CUX1: variants seen among roughly 807,000 people sequenced by gnomAD.
CUX1 encodes the protein protein CASP.
In CUX1, 31 loss-of-function variants were observed where a neutral mutation model predicts 158.8. The ratio of observed to expected loss-of-function variants is 0.20; its 90% CI spans 0.15 to 0.26. The LOEUF (loss-of-function observed/expected upper bound fraction) is 0.26. Among genes scored for constraint, CUX1 ranks in the 10% least tolerant of loss-of-function variants. CUX1 has a pLI of 1.00. For synonymous variants in CUX1, 879 were observed against 862.1 expected (o/e 1.02, Z -0.34); for missense variants, 1,589 against 2,014.6 (o/e 0.79, Z 4.04).
At chr7:102,134,579 C>T (rs1158961757) in intron 8 of CUX1, among the ~76,000 whole-genome samples, 3 of 152,140 alleles carry the variant, frequency 2.0e-5, no homozygotes, top group East Asian at 1.9e-4. Flanking sequence ...TTTCCCCCAC[C>T]GCTTTGCACA....
At chr7:102,214,068 G>A (rs1554523915) in intron 20 of CUX1, among the ~76,000 whole-genome samples, 1 of 151,618 alleles carries the variant, frequency 6.6e-6, no homozygotes, top group East Asian at 2.0e-4. Flanking sequence ...CCCAGAGGTG[G>A]TTGCACTGAG....
chr7:102,191,248 T>C (rs992225630), intron 12 of CUX1, among the ~76,000 whole-genome samples: 1 of 152,210 alleles, frequency 6.6e-6, no homozygotes, highest in African/African-American at 2.4e-5. Context: ...CTTATTTATT[T>C]ATTTGACAGA....
intron 1 of CUX1, among the ~76,000 whole-genome samples, chr7:101,904,117 A>AACACAC (rs10622369): frequency 0.046 from 6,559 of 143,790 alleles, 150 homozygotes; most frequent in East Asian, 0.086. Context: ...GTCTTTACAA[A>AACACAC]ACACACACAC....
chr7:102,236,351 C>A (rs978200091), intron 22 of CUX1, among the ~76,000 whole-genome samples: 1 of 149,352 alleles, frequency 6.7e-6, no homozygotes, highest in Non-Finnish European at 1.5e-5. Context: ...TGAGGTAGGC[C>A]ATGCCTCTTG....
At position 102,248,418 on chromosome 7, in the gene CUX1, G is replaced by T. The variant is rs1475416598; in HGVS notation, c.3894G>T (p.Arg1298=). 2 of 1,594,200 alleles carry T rather than the reference G, an allele frequency of 1.3e-6. No individual in the cohort carries two copies. Among genetic ancestry groups the T allele is most frequent in the African/African-American group, 1.4e-5 (1 of 74,042 alleles). ...GCCGCTTGTTGTCTTGTAGGTCTCG[G>T]ATCCGCAGAGAACTGTTCATTGAGG... ...VINWFHNYRS[R]IRRELFIEEI... The change falls in exon 24 of 24, where the codon CGG becomes CGT. Residue 1298 remains arginine, a synonymous_variant. Coordinates refer to ENST00000292535, the MANE Select transcript of CUX1 (RefSeq NM_181552.4). The surrounding 1 kb of genome is among the most constrained non-coding windows in gnomAD (Gnocchi z 5.8).
At chr7:101,937,658 G>A (rs982974602) in intron 2 of CUX1, among the ~76,000 whole-genome samples, 2 of 151,992 alleles carry the variant, frequency 1.3e-5, no homozygotes, top group Admixed American at 1.3e-4. Flanking sequence ...CTACAGGTAC[G>A]TGCCACCATG....
At chr7:102,022,838 A>G (rs1202114077) in intron 2 of CUX1, among the ~76,000 whole-genome samples, 2 of 152,252 alleles carry the variant, frequency 1.3e-5, no homozygotes, top group African/African-American at 4.8e-5. Flanking sequence ...GATGGGATGG[A>G]AACAAGGTGA....
chr7:102,156,071 A>C (rs570134690), intron 8 of CUX1, among the ~76,000 whole-genome samples: 48 of 152,314 alleles, frequency 3.2e-4, no homozygotes, highest in Non-Finnish European at 5.0e-4. Context: ...GGCATCTGTT[A>C]CCCTATTCAG....
intron 3 of CUX1, among the ~76,000 whole-genome samples, chr7:102,035,902 C>T (rs1456032298): frequency 1.3e-5 from 2 of 152,076 alleles, no homozygotes; most frequent in Non-Finnish European, 2.9e-5. Flanking sequence ...GACAGAGTCT[C>T]GCTCTGTCAC....
chr7:102,116,895 G>T (rs1345439291), intron 8 of CUX1, among the ~76,000 whole-genome samples: 1 of 152,142 alleles, frequency 6.6e-6, no homozygotes, highest in Non-Finnish European at 1.5e-5. Flanking sequence ...AGAGATAATA[G>T]ATTCATTCAT....
intron 2 of CUX1, among the ~76,000 whole-genome samples, chr7:101,926,017 A>G (rs1385991049): frequency 6.6e-6 from 1 of 152,024 alleles, no homozygotes; most frequent in African/African-American, 2.4e-5. Flanking sequence ...GGTGTCAGAA[A>G]CCCCCGAAGA....
intron 17 of CUX1, chr7:102,277,920 C>CA: frequency 8.9e-7 from 1 of 1,117,360 alleles, no homozygotes; most frequent in Non-Finnish European, 1.3e-6. Flanking sequence ...GCCTCTCCCC[C>CA]ACCCCTTTCC....
chr7:102,097,524 GC>G, intron 5 of CUX1, 23 bp downstream of exon 5: 5 of 1,558,258 alleles, frequency 3.2e-6, no homozygotes, highest in Non-Finnish European at 4.3e-6. Flanking sequence ...TGCGTTCTTT[GC>G]TTTTTCTTTT....
chr7:102,229,712 G>C (rs1044537500), intron 21 of CUX1, among the ~76,000 whole-genome samples: 1 of 149,720 alleles, frequency 6.7e-6, no homozygotes, highest in African/African-American at 2.5e-5. Context: ...CTGCCTCCTG[G>C]GTTCAGGCGA....
intron 16 of CUX1, among the ~76,000 whole-genome samples, chr7:102,199,336 G>A (rs1464573808): frequency 6.6e-6 from 1 of 152,204 alleles, no homozygotes; most frequent in Non-Finnish European, 1.5e-5. Flanking sequence ...TGGTATACTT[G>A]TTTTGAATGC....
At chr7:102,081,783 G>C (rs1827446215) in intron 4 of CUX1, among the ~76,000 whole-genome samples, 1 of 145,928 alleles carries the variant, frequency 6.9e-6, no homozygotes, top group South Asian at 2.2e-4. Context: ...CTGCCACCAT[G>C]CCCAATTAAT....
rs1194082004 is a variant in CUX1 at position 101,967,024 on chromosome 7, A to ATTTTT, written c.141+50803_141+50804insTTTTT. Among the ~76,000 whole-genome samples the ATTTTT allele has an allele frequency of 4.0e-5, 6 of 151,880 alleles. 1 individual carries two copies. The highest frequency in any genetic ancestry group is 6.8e-3 in the Middle Eastern group (2 of 294). On this transcript the variant is annotated intron_variant, in intron 2 of 23. Coordinates refer to ENST00000292535, the MANE Select transcript of CUX1 (RefSeq NM_181552.4). ...TTTTTATTTTATTTTATTTTATTTT[A>ATTTTT]TTTTGGTGAGATGGAGTCTCACTCT...
intron 1 of CUX1, among the ~76,000 whole-genome samples, chr7:101,884,628 G>A (rs1376428472): frequency 1.3e-5 from 2 of 152,186 alleles, no homozygotes; most frequent in African/African-American, 4.8e-5. Context: ...TGATCCCTGA[G>A]AGAGATACAT....
intron 8 of CUX1, among the ~76,000 whole-genome samples, chr7:102,132,308 T>TGTGC (rs1554497503): frequency 0.011 from 653 of 57,084 alleles, 24 homozygotes; most frequent in Admixed American, 0.065. Context: ...TGTGTGTGTG[T>TGTGC]GCGCGCGCGC....
Sources: gnomAD v4.1 joint callset for allele counts (sites outside exome capture counted in the v4.1 genomes callset) on GRCh38, gnomAD v4.1.1 for gene constraint, Gnocchi (gnomAD v3.1) non-coding constraint, MANE v1.5 for transcripts, NCBI Gene and HGNC (gene_info 2026-07-23, HGNC 2026-07-21) for gene names.